Variants in PID1 observed in about 807,000 individuals in gnomAD.
PID1 encodes the protein phosphotyrosine interaction domain containing 1.
Under a neutral mutation model 19.1 loss-of-function variants are expected in PID1, and 10 were observed. That is an observed-to-expected ratio of 0.52 (90% CI 0.32 to 0.89). The LOEUF (loss-of-function observed/expected upper bound fraction) is 0.89, where lower values mean the gene tolerates loss of function less well. PID1 is among the 40% of genes least tolerant of loss of function. PID1 has a pLI of 0.03. For synonymous variants in PID1, 130 were observed against 116.0 expected, an observed-to-expected ratio of 1.12 and a Z score of -0.78; for missense variants, 248 against 285.3, an observed-to-expected ratio of 0.87 and a Z score of 0.94.
At chr2:229,065,777 T>C (rs1694313545) in intron 2 of PID1, among the ~76,000 whole-genome samples, 2 of 144,912 alleles carry the variant, frequency 1.4e-5, no homozygotes, top group South Asian at 4.3e-4. Context: ...ACCTGCATGA[T>C]AAATGCAGCT....
intron 1 of PID1, among the ~76,000 whole-genome samples, chr2:229,164,177 C>G (rs1482404998): frequency 6.6e-6 from 1 of 152,118 alleles, no homozygotes; most frequent in African/African-American, 2.4e-5. Context: ...TTTTTATAGT[C>G]ATTGTATGCC....
chr2:229,084,652 C>T (rs1694730185), intron 2 of PID1, among the ~76,000 whole-genome samples: 1 of 152,174 alleles, frequency 6.6e-6, no homozygotes, highest in African/African-American at 2.4e-5. Flanking sequence ...AGCCAACTTT[C>T]AACCACTACA....
Position 229,170,136 on chromosome 2 carries a change from T to C in PID1, c.31-14172A>G, listed in dbSNP as rs559735646. Among the ~76,000 whole-genome samples, 6 of 152,348 alleles carry C rather than the reference T, an allele frequency of 3.9e-5. No individual in the cohort carries two copies. In the South Asian group the frequency reaches 1.2e-3, roughly 32 times the overall value. ...CATTTGACTTTGGCCAAGTCGCATG[T>C]ACTTCCTGAGCTTTGGTTGCCAATA... is the stretch of plus-strand genomic sequence containing the variant. On this transcript the variant is annotated intron_variant, in intron 1 of 2. Transcript: ENST00000392055.
intron 1 of PID1, among the ~76,000 whole-genome samples, chr2:229,183,865 ACTCT>A (rs1282466290): frequency 3.4e-4 from 2 of 5,814 alleles, no homozygotes; most frequent in Non-Finnish European, 1.2e-3. Flanking sequence ...CTCTCTCCTC[ACTCT>A]CTCTCTTTCT....
intron 1 of PID1, among the ~76,000 whole-genome samples, chr2:229,204,092 G>A (rs1372136114): frequency 2.0e-5 from 3 of 152,098 alleles, no homozygotes; most frequent in Non-Finnish European, 4.4e-5. Flanking sequence ...AATGCTGGAA[G>A]AACCCTGATC....
chr2:229,160,856 C>A (rs975892259), intron 1 of PID1, among the ~76,000 whole-genome samples: 7 of 152,132 alleles, frequency 4.6e-5, no homozygotes, highest in African/African-American at 1.7e-4. Context: ...CTTCCTATGG[C>A]AAAATTAACA....
At chr2:229,172,825 G>A (rs1318489268) in intron 1 of PID1, among the ~76,000 whole-genome samples, 2 of 152,076 alleles carry the variant, frequency 1.3e-5, no homozygotes, top group Non-Finnish European at 2.9e-5. Flanking sequence ...TCCACCTCCT[G>A]GGTTCGAGCA....
At chr2:229,138,987 G>GA (rs1440332448) in intron 2 of PID1, among the ~76,000 whole-genome samples, 1 of 57,342 alleles carries the variant, frequency 1.7e-5, no homozygotes, top group Admixed American at 1.6e-4. Flanking sequence ...ATAGAAGAAA[G>GA]AAAGAAAGAA....
intron 2 of PID1, among the ~76,000 whole-genome samples, chr2:229,042,227 T>C (rs761018428): frequency 6.6e-6 from 1 of 151,980 alleles, no homozygotes; most frequent in Non-Finnish European, 1.5e-5. Flanking sequence ...ATAAAGTAAA[T>C]AAATATTGGG....
At chr2:229,153,603 C>T (rs1415970018) in intron 2 of PID1, among the ~76,000 whole-genome samples, 1 of 152,048 alleles carries the variant, frequency 6.6e-6, no homozygotes, top group East Asian at 1.9e-4. Flanking sequence ...TTTTCAACGT[C>T]CTTTTAAAAG....
chr2:229,082,595 C>T (rs1050204774), intron 2 of PID1, among the ~76,000 whole-genome samples: 39 of 152,276 alleles, frequency 2.6e-4, no homozygotes, highest in African/African-American at 8.9e-4. Flanking sequence ...AACACTATTG[C>T]TGGTTTGAGG....
intron 2 of PID1, among the ~76,000 whole-genome samples, chr2:229,134,491 C>G (rs1689818538): frequency 6.6e-6 from 1 of 151,936 alleles, no homozygotes; most frequent in African/African-American, 2.4e-5. Flanking sequence ...ATCCGCCCAC[C>G]TTGGCCTCCC....
intron 1 of PID1, among the ~76,000 whole-genome samples, chr2:229,231,255 C>A (rs905042617): frequency 2.0e-5 from 3 of 152,036 alleles, no homozygotes; most frequent in South Asian, 4.1e-4. Flanking sequence ...CAGATTAGGT[C>A]TAGTCAAGTA....
At chr2:229,070,204 GT>G (rs1694424372) in intron 2 of PID1, among the ~76,000 whole-genome samples, 1 of 152,194 alleles carries the variant, frequency 6.6e-6, no homozygotes, top group Non-Finnish European at 1.5e-5. Flanking sequence ...CCATAAAGTA[GT>G]TTGTAAAAAT....
intron 2 of PID1, among the ~76,000 whole-genome samples, chr2:229,134,754 T>A (rs1407323114): frequency 6.6e-6 from 1 of 152,058 alleles, no homozygotes; most frequent in Non-Finnish European, 1.5e-5. Flanking sequence ...AATCTTAGAG[T>A]CATGTGGCAG....
intron 2 of PID1, among the ~76,000 whole-genome samples, chr2:229,107,764 C>G (rs1695208485): frequency 6.6e-6 from 1 of 152,166 alleles, no homozygotes; most frequent in Non-Finnish European, 1.5e-5. Flanking sequence ...AAACGCGTCT[C>G]TACTCTAAAT....
At chr2:229,131,214 T>G (rs910677876) in intron 2 of PID1, among the ~76,000 whole-genome samples, 6 of 151,982 alleles carry the variant, frequency 3.9e-5, no homozygotes, top group Admixed American at 3.9e-4. Flanking sequence ...TTCTTTTCTT[T>G]TCTTTTCTCT....
At chr2:229,201,684 T>C (rs1278178146) in intron 1 of PID1, among the ~76,000 whole-genome samples, 2 of 152,080 alleles carry the variant, frequency 1.3e-5, no homozygotes, top group African/African-American at 4.8e-5. Context: ...TATTTTTAGT[T>C]TTTTGAGGAA....
At chr2:229,136,450 C>T (rs1689859461) in intron 2 of PID1, among the ~76,000 whole-genome samples, 1 of 152,068 alleles carries the variant, frequency 6.6e-6, no homozygotes, top group Non-Finnish European at 1.5e-5. Flanking sequence ...ATTTCTTATG[C>T]AACAATATGT....
Sources: gnomAD v4.1 joint callset for allele counts (sites outside exome capture counted in the v4.1 genomes callset) on GRCh38, gnomAD v4.1.1 for gene constraint, MANE v1.5 for transcripts, NCBI Gene and HGNC (gene_info 2026-07-23, HGNC 2026-07-21) for gene names.